USP15: variants seen among roughly 807,000 people sequenced by gnomAD.
USP15 encodes the protein ubiquitin carboxyl-terminal hydrolase 15.
In USP15, 18 loss-of-function variants were observed where a neutral mutation model predicts 127.1. The ratio of observed to expected loss-of-function variants is 0.14; its 90% CI spans 0.10 to 0.21. The LOEUF (loss-of-function observed/expected upper bound fraction) is 0.21. Among genes scored for constraint, USP15 ranks in the 10% least tolerant of loss-of-function variants. USP15 has a pLI of 1.00. For synonymous variants in USP15, 364 were observed against 393.7 expected (o/e 0.92, Z 0.89); for missense variants, 805 against 1,159.9 (o/e 0.69, Z 4.44).
In USP15 at chr12:62,391,864, A is replaced by G. The variant is rs757410889; in HGVS notation, c.2282A>G (p.Tyr761Cys). 1.2e-6 allele frequency: 2 copies of G among 1,610,132 alleles called. No homozygotes were observed. Among genetic ancestry groups the G allele is most frequent in the Non-Finnish European group, 1.7e-6 (2 of 1,177,984 alleles). Reference sequence around the variant, plus strand: ...TGGGATCCTGATTTGAAAAAAAGATATTTTGATGAAAATGCTGCTGAGGTA... The same window carrying G: ...TGGGATCCTGATTTGAAAAAAAGATGTTTTGATGAAAATGCTGCTGAGGTA... Reference protein sequence around the residue: ...LDWDPDLKKRYFDENAAEDFE... With the variant: ...LDWDPDLKKRCFDENAAEDFE... The change falls in exon 17 of 22, where the codon TAT (tyrosine) becomes TGT (cysteine). Residue 761 changes from tyrosine to cysteine, a missense_variant. By Grantham distance (194) the Tyr-to-Cys change is radical (BLOSUM62 -2). This residue lies in a region of USP15 where 225 missense variants were observed against 239.5 expected (regional missense o/e 0.94). Transcript: ENST00000280377.
At position 62,329,861 on chromosome 12, in the gene USP15, C is replaced by T. The variant is rs1228763633; in HGVS notation, c.683+3928C>T. Among the ~76,000 whole-genome samples, 9 of 152,190 alleles carry T rather than the reference C, an allele frequency of 5.9e-5. No homozygotes were observed. In the East Asian group the frequency reaches 1.7e-3, roughly 29 times the overall value. ...TAAACTAATATTGTCATTCTGTAAACCAGTCAATAATTAAATCAGAAGTGT... is the reference window on the plus strand; with the variant it reads ...TAAACTAATATTGTCATTCTGTAAATCAGTCAATAATTAAATCAGAAGTGT... On this transcript the variant is annotated intron_variant, in intron 6 of 21. Coordinates refer to ENST00000280377, the MANE Select transcript of USP15 (RefSeq NM_001252078.2).
intron 1 of USP15, among the ~76,000 whole-genome samples, chr12:62,268,254 G>A (rs2063247246): frequency 6.6e-6 from 1 of 152,080 alleles, no homozygotes; most frequent in Non-Finnish European, 1.5e-5. Flanking sequence ...CACTTAGTCA[G>A]TGGTAGAGCA....
intron 3 of USP15, among the ~76,000 whole-genome samples, chr12:62,310,331 A>T (rs1260221839): frequency 6.6e-6 from 1 of 151,742 alleles, no homozygotes; most frequent in African/African-American, 2.4e-5. Context: ...AATTTATTCC[A>T]TTTTACTGTA....
chr12:62,291,180 T>C (rs2063956721), intron 1 of USP15, among the ~76,000 whole-genome samples: 1 of 152,146 alleles, frequency 6.6e-6, no homozygotes, highest in African/African-American at 2.4e-5. Context: ...TTTGCTTTCT[T>C]TTCTTTTCTT....
chr12:62,299,854 C>T (rs11615693), intron 2 of USP15, among the ~76,000 whole-genome samples: 11,758 of 152,190 alleles, frequency 0.077, 584 homozygotes, highest in Middle Eastern at 0.16. Context: ...TTATTATAGC[C>T]GTCCAAGTGG....
At chr12:62,331,675 C>A (rs1311199772) in intron 6 of USP15, among the ~76,000 whole-genome samples, 2 of 152,230 alleles carry the variant, frequency 1.3e-5, no homozygotes, top group East Asian at 1.9e-4. Context: ...GAAACTGTGT[C>A]TTCAGCTGAA....
chr12:62,399,123 G>A (rs569951268), intron 20 of USP15, among the ~76,000 whole-genome samples: 3 of 152,224 alleles, frequency 2.0e-5, no homozygotes, highest in Middle Eastern at 3.4e-3. Flanking sequence ...TCTAAGTGCA[G>A]CATCTGCTCT....
At chr12:62,355,185 A>G (rs1238278460) in intron 7 of USP15, 146 bp from the exon 8 acceptor site, 14 of 713,402 alleles carry the variant, frequency 2.0e-5, no homozygotes, top group African/African-American at 1.4e-4. Flanking sequence ...TTGAGGTTCA[A>G]GTCTTTAAAA....
chr12:62,277,735 A>G (rs1236154029), intron 1 of USP15: 1 of 152,144 alleles, frequency 6.6e-6, no homozygotes, highest in Non-Finnish European at 1.5e-5. Flanking sequence ...AAATCTCATA[A>G]TGTTTTAAGA....
At chr12:62,341,574 G>A (rs1218845049) in intron 6 of USP15, among the ~76,000 whole-genome samples, 1 of 152,142 alleles carries the variant, frequency 6.6e-6, no homozygotes, top group African/African-American at 2.4e-5. Context: ...GGGCTACCTG[G>A]TGGTGACAAA....
intron 8 of USP15, among the ~76,000 whole-genome samples, chr12:62,378,722 G>T (rs73136870): frequency 1.3e-5 from 2 of 152,080 alleles, no homozygotes; most frequent in Admixed American, 6.6e-5. Flanking sequence ...TGTACTGCCC[G>T]TATGGTTTAG....
chr12:62,374,486 C>T, intron 8 of USP15: 1 of 985,720 alleles, frequency 1.0e-6, no homozygotes, highest in Non-Finnish European at 1.2e-6. Context: ...TTCAGCATTA[C>T]AAAAGACAAC....
chr12:62,300,300 T>C (rs2064271000), intron 2 of USP15, among the ~76,000 whole-genome samples: 1 of 152,148 alleles, frequency 6.6e-6, no homozygotes, highest in Non-Finnish European at 1.5e-5. Flanking sequence ...TTTACAGCAT[T>C]GGTCTACTTT....
chr12:62,391,226 ACAGT>A lies in USP15; in HGVS notation c.2036_2039del (p.Gln679LeufsTer40), dbSNP rs1416433888. 6.2e-7 allele frequency: 1 copy of A among 1,613,580 alleles called. No homozygotes were observed. Among genetic ancestry groups the A allele is most frequent in the African/African-American group, 1.3e-5 (1 of 74,904 alleles). ...CAAGAACTTCCCTCAGAGAATGAAA[ACAGT>A]CAGTCTGAAGATTCAGTTGGAGGAG... On this transcript the variant is annotated frameshift_variant, in exon 16 of 22. Coordinates refer to ENST00000280377, the MANE Select transcript of USP15 (RefSeq NM_001252078.2). LOFTEE classifies it high-confidence loss of function.
intron 8 of USP15, among the ~76,000 whole-genome samples, chr12:62,365,007 G>A (rs1369294347): frequency 4.6e-5 from 7 of 152,190 alleles, no homozygotes; most frequent in Middle Eastern, 3.4e-3. Flanking sequence ...GAAAAGTGCC[G>A]CAGTAAGTGT....
chr12:62,344,099 A>G (rs747002347), intron 6 of USP15, among the ~76,000 whole-genome samples: 12 of 152,106 alleles, frequency 7.9e-5, no homozygotes, highest in Non-Finnish European at 7.4e-5. Flanking sequence ...TGCCCTCCCA[A>G]CAGTCCCCTA....
chr12:62,286,259 C>T (rs2063782521), intron 1 of USP15, among the ~76,000 whole-genome samples: 1 of 151,980 alleles, frequency 6.6e-6, no homozygotes, highest in African/African-American at 2.4e-5. Context: ...ATACAGACAG[C>T]CAGCAAATGT....
chr12:62,332,279 C>T (rs757538392), intron 6 of USP15, among the ~76,000 whole-genome samples: 1 of 151,098 alleles, frequency 6.6e-6, no homozygotes, highest in Non-Finnish European at 1.5e-5. Context: ...CTTGTTTTAT[C>T]AGGATTTGCA....
chr12:62,356,837 T>A (rs896062997), intron 8 of USP15, among the ~76,000 whole-genome samples: 1 of 152,026 alleles, frequency 6.6e-6, no homozygotes, highest in African/African-American at 2.4e-5. Context: ...CAAAGTAAAG[T>A]ACATGGGTGC....
Sources: allele counts gnomAD v4.1 joint callset (sites outside exome capture counted in the v4.1 genomes callset), GRCh38; gene constraint gnomAD v4.1.1; regional missense constraint gnomAD v4.1.1; transcripts MANE v1.5; gene names NCBI Gene and HGNC (gene_info 2026-07-23, HGNC 2026-07-21).